EPHA7: variants seen among roughly 807,000 people sequenced by gnomAD.
The protein encoded by EPHA7 is ephrin type-A receptor 7.
A neutral mutation model predicts 112.6 loss-of-function variants in EPHA7; 25 were observed. The ratio of observed to expected loss-of-function variants is 0.22; its 90% confidence interval spans 0.16 to 0.31. The LOEUF (loss-of-function observed/expected upper bound fraction) is 0.31. EPHA7 is among the 10% of genes least tolerant of loss of function. EPHA7 has a pLI of 1.00. For missense variants in EPHA7, 962 were observed against 1,212.6 expected, an observed-to-expected ratio of 0.79 and a Z score of 3.07; for synonymous variants, 437 against 406.5, an observed-to-expected ratio of 1.07 and a Z score of -0.90.
intron 14 of EPHA7, among the ~76,000 whole-genome samples, chr6:93,253,064 A>C (rs969201813): frequency 2.6e-5 from 4 of 151,978 alleles, no homozygotes; most frequent in African/African-American, 4.8e-5. Flanking sequence ...CAGTCCTGTC[A>C]GTCCCTTTAT....
intron 5 of EPHA7, among the ~76,000 whole-genome samples, chr6:93,289,885 C>A (rs906438997): frequency 6.6e-6 from 1 of 152,096 alleles, no homozygotes; most frequent in Non-Finnish European, 1.5e-5. Context: ...ATGGTCATCA[C>A]AATGAAGGAT....
intron 3 of EPHA7, among the ~76,000 whole-genome samples, chr6:93,360,273 T>G (rs1442449887): frequency 8.9e-6 from 1 of 112,562 alleles, no homozygotes; most frequent in African/African-American, 3.6e-5. Flanking sequence ...GAAATTCTTC[T>G]TTTTTAAAAT....
chr6:93,350,077 T>C (rs1775615301), intron 5 of EPHA7, among the ~76,000 whole-genome samples: 1 of 152,010 alleles, frequency 6.6e-6, no homozygotes, highest in Non-Finnish European at 1.5e-5. Context: ...AAATTAGATC[T>C]GGGCATTGAA....
rs376625267 is a variant in EPHA7 at position 93,264,742 on chromosome 6, A to G, written c.1634-40T>C. The G allele has an allele frequency of 1.4e-3, 1,753 of 1,235,534 alleles. 8 individuals are homozygous for G. Among genetic ancestry groups the G allele is most frequent in the Non-Finnish European group, 1.9e-3 (1,632 of 878,180 alleles). 76.5% of individuals were successfully genotyped at this position (1,235,534 alleles called of 1,614,324 possible). ...AATAGGCTCAGAAATACTTGACACC[A>G]TGCAAGAACTTGAAAGGTTAAATAA... On this transcript the variant is annotated intron_variant, in intron 7 of 16. Transcript: ENST00000369303.
intron 3 of EPHA7, among the ~76,000 whole-genome samples, chr6:93,369,334 C>A (rs897201495): frequency 6.6e-6 from 1 of 152,060 alleles, no homozygotes; most frequent in Non-Finnish European, 1.5e-5. Context: ...TTTACCTCCA[C>A]ACCCAAATAA....
intron 1 of EPHA7, 148 bp downstream of exon 1, chr6:93,419,097 G>A (rs896515109): frequency 5.7e-5 from 31 of 545,518 alleles, no homozygotes; most frequent in Non-Finnish European, 9.0e-5. Context: ...CGCCAGGAGC[G>A]GCCTCAGCGG....
At chr6:93,371,513 G>A (rs1430544793) in intron 3 of EPHA7, among the ~76,000 whole-genome samples, 1 of 152,130 alleles carries the variant, frequency 6.6e-6, no homozygotes, top group Non-Finnish European at 1.5e-5. Context: ...GATACTGAGA[G>A]GCAACTGTAA....
Position 93,414,577 on chromosome 6 carries a change from T to C in EPHA7, c.162+126A>G, listed in dbSNP as rs1300578140. 11 of 734,372 alleles carry C rather than the reference T, an allele frequency of 1.5e-5. No individual in the cohort carries two copies. The East Asian group carries it at 2.7e-4, about 18-fold the overall frequency. The allele number at this position is 734,372 out of a possible 1,614,324, so 45.5% of individuals were successfully genotyped here. ...ATGTCTCATTATAAATGCAACATAA[T>C]ATTGGACAAGATATTTGGAATTAAA... On this transcript the variant is annotated intron_variant, in intron 2 of 16. Transcript: ENST00000369303.
At chr6:93,259,597 T>G in intron 9 of EPHA7, 118 bp from the exon 10 acceptor site, 1 of 1,207,594 alleles carries the variant, frequency 8.3e-7, no homozygotes, top group East Asian at 2.4e-5. Context: ...CCACATCACC[T>G]GATTCACAGC....
At chr6:93,255,788 T>G in intron 13 of EPHA7, 40 bp downstream of exon 13, 1 of 1,547,306 alleles carries the variant, frequency 6.5e-7, no homozygotes, top group Non-Finnish European at 8.9e-7. Flanking sequence ...TAGAAAAATC[T>G]TAAGAATATG....
chr6:93,266,758 C>G (rs747651431), intron 7 of EPHA7, among the ~76,000 whole-genome samples: 12 of 151,642 alleles, frequency 7.9e-5, no homozygotes, highest in Non-Finnish European at 1.2e-4. Flanking sequence ...TATCACTGGA[C>G]CATGCATTCC....
At chr6:93,334,644 A>C (rs2127908709) in intron 5 of EPHA7, among the ~76,000 whole-genome samples, 1 of 152,208 alleles carries the variant, frequency 6.6e-6, no homozygotes, top group Non-Finnish European at 1.5e-5. Context: ...AGAAAAAAAT[A>C]TCTCCAAAGA....
Position 93,364,246 on chromosome 6 carries a change from G to A in EPHA7, c.833-5835C>T, listed in dbSNP as rs571449788. Among the ~76,000 whole-genome samples, 11 of 152,122 alleles carry A rather than the reference G, an allele frequency of 7.2e-5. No individual in the cohort carries two copies. The South Asian group carries it at 1.5e-3, about 20-fold the overall frequency. ...TCTCATTATAAAATCCATCAGGGCC[G>A]GGCACGGTGGCTCATGCCTGTAATC... is the stretch of plus-strand genomic sequence containing the variant. On this transcript the variant is annotated intron_variant, in intron 3 of 16. Transcript: ENST00000369303.
At chr6:93,252,107 C>T (rs1770242870) in intron 14 of EPHA7, among the ~76,000 whole-genome samples, 1 of 137,112 alleles carries the variant, frequency 7.3e-6, no homozygotes. Context: ...TCAGATAGTC[C>T]AGAACTTTCT....
At chr6:93,304,434 C>T (rs1462479118) in intron 5 of EPHA7, among the ~76,000 whole-genome samples, 1 of 151,920 alleles carries the variant, frequency 6.6e-6, no homozygotes, top group Non-Finnish European at 1.5e-5. Flanking sequence ...CTGTTCTGCT[C>T]CAGCCTCCCA....
Position 93,306,993 on chromosome 6 carries a change from A to T in EPHA7, c.1325-34571T>A, listed in dbSNP as rs1773293098. Reference sequence around the variant, plus strand: ...GGGATTGACACATTTAGAATTGCTCATATCTCCATTAAATCATAATATAAT... The same window carrying T: ...GGGATTGACACATTTAGAATTGCTCTTATCTCCATTAAATCATAATATAAT... On this transcript the variant is annotated intron_variant, in intron 5 of 16. Coordinates refer to ENST00000369303, the MANE Select transcript of EPHA7 (RefSeq NM_004440.4). 2.6e-5 allele frequency among the ~76,000 whole-genome samples: 4 copies of T among 151,984 alleles called. No homozygotes were observed. In the South Asian group the frequency reaches 8.3e-4, roughly 31 times the overall value.
At chr6:93,381,366 A>T (rs540707877) in intron 3 of EPHA7, among the ~76,000 whole-genome samples, 4 of 152,194 alleles carry the variant, frequency 2.6e-5, no homozygotes, top group Non-Finnish European at 5.9e-5. Context: ...CCCAAATATG[A>T]TCTAATGCAA....
At chr6:93,419,022 G>A (rs1779392244) in intron 1 of EPHA7, among the ~76,000 whole-genome samples, 1 of 152,092 alleles carries the variant, frequency 6.6e-6, no homozygotes, top group Non-Finnish European at 1.5e-5. Flanking sequence ...GCACCCGTCG[G>A]ATGGACGGCT....
At position 93,320,491 on chromosome 6, in the gene EPHA7, T is replaced by C. The variant is rs147584972; in HGVS notation, c.1324+36226A>G. Among the ~76,000 whole-genome samples, 363 of 152,130 alleles carry C rather than the reference T, an allele frequency of 2.4e-3. 4 individuals are homozygous for C. The highest frequency in any genetic ancestry group is 0.016 in the Admixed American group (251 of 15,242). Reference sequence around the variant, plus strand: ...ATCATTAGCAGAAAATGATTTGTAGTGCAATTTTACTTCACTTGGGAGAAA... The same window carrying C: ...ATCATTAGCAGAAAATGATTTGTAGCGCAATTTTACTTCACTTGGGAGAAA... On this transcript the variant is annotated intron_variant, in intron 5 of 16. Coordinates refer to ENST00000369303, the MANE Select transcript of EPHA7 (RefSeq NM_004440.4).
Sources: gnomAD v4.1 joint callset for allele counts (sites outside exome capture counted in the v4.1 genomes callset) on GRCh38, gnomAD v4.1.1 for gene constraint, MANE v1.5 for transcripts, NCBI Gene and HGNC (gene_info 2026-07-23, HGNC 2026-07-21) for gene names.